MAMLD1: variants seen among roughly 807,000 people sequenced by gnomAD.
MAMLD1 encodes mastermind-like domain-containing protein 1.
A neutral mutation model predicts 45.0 loss-of-function variants in MAMLD1; 14 were observed. The observed-to-expected ratio is 0.31, with a 90% CI of 0.21 to 0.49. The LOEUF (loss-of-function observed/expected upper bound fraction) is 0.49, where lower values mean the gene tolerates loss of function less well. Ranked by LOEUF, MAMLD1 falls within the 20% of genes least tolerant of loss-of-function variation. The pLI is 0.99. For missense variants in MAMLD1, 543 were observed against 603.6 expected, an observed-to-expected ratio of 0.90 and a Z score of 1.05; for synonymous variants, 254 against 247.8, an observed-to-expected ratio of 1.02 and a Z score of -0.24.
chrX:150,468,978 AGTGTGTGT>A (rs67617988), intron 3 of MAMLD1, among the ~76,000 whole-genome samples: 1 of 100,691 alleles, frequency 9.9e-6, no homozygotes, highest in Non-Finnish European at 2.0e-5. Flanking sequence ...AATGTGTGAG[AGTGTGTGT>A]GTGTGTGTGT....
chrX:150,495,033 C>T lies in MAMLD1; in HGVS notation c.2041-8241C>T, dbSNP rs782373837. On this transcript the variant is annotated intron_variant, in intron 5 of 7. Transcript: ENST00000370401. ...CCAGCCTGGCCAACATGGCGAAATC[C>T]TGTCTCTACTAAAAATACAAAAATT... Among the ~76,000 whole-genome samples the T allele has an allele frequency of 1.4e-4, 16 of 112,202 alleles. No homozygotes were observed. The East Asian group carries it at 4.5e-3, about 31-fold the overall frequency.
chrX:150,477,941 C>G (rs981919693), intron 5 of MAMLD1, among the ~76,000 whole-genome samples: 1 of 111,527 alleles, frequency 9.0e-6, no homozygotes, highest in African/African-American at 3.3e-5. Context: ...TCATGGCGCA[C>G]AGAGCACGCA....
intron 1 of MAMLD1, among the ~76,000 whole-genome samples, chrX:150,367,694 T>A (rs1294871298): frequency 9.0e-6 from 1 of 111,351 alleles, no homozygotes; most frequent in Non-Finnish European, 1.9e-5. Context: ...TATCTCCTAA[T>A]GCTGTCCCTC....
At position 150,452,214 on chromosome X, in the gene MAMLD1, A is replaced by G. The variant is rs782278278; in HGVS notation, c.96+6602A>G. 3.6e-5 allele frequency among the ~76,000 whole-genome samples: 4 copies of G among 112,224 alleles called. No homozygotes were observed. In the South Asian group the frequency reaches 1.5e-3, roughly 42 times the overall value. On this transcript the variant is annotated intron_variant, in intron 2 of 7. Coordinates refer to ENST00000370401, the MANE Select transcript of MAMLD1 (RefSeq NM_005491.5). ...AAAAGTCATTGTCTCTAGGCCTTAC[A>G]CAGGAAATGGGAAAATAACAGAGTT...
intron 3 of MAMLD1, among the ~76,000 whole-genome samples, 183 bp from the exon 4 acceptor site, chrX:150,469,562 T>C (rs2036336244): frequency 9.0e-6 from 1 of 111,332 alleles, no homozygotes; most frequent in African/African-American, 3.3e-5. Context: ...ATCATGCACA[T>C]TTCCTGTTCA....
intron 3 of MAMLD1, among the ~76,000 whole-genome samples, chrX:150,464,272 C>A (rs1261788750): frequency 1.8e-5 from 2 of 111,624 alleles, no homozygotes; most frequent in Admixed American, 1.9e-4. Context: ...ACCAATAAAT[C>A]CCCGATTTGT....
At chrX:150,410,227 C>T (rs1164729869) in intron 1 of MAMLD1, among the ~76,000 whole-genome samples, 2 of 112,281 alleles carry the variant, frequency 1.8e-5, no homozygotes, top group African/African-American at 6.5e-5. Flanking sequence ...GACTCCTAGG[C>T]CAGCTCTTAA....
At chrX:150,472,721 C>A (rs1466449673) in intron 4 of MAMLD1, among the ~76,000 whole-genome samples, 4 of 111,879 alleles carry the variant, frequency 3.6e-5, no homozygotes, top group Admixed American at 1.9e-4. Context: ...TCTCTATGAC[C>A]TGGTCTAGAA....
intron 5 of MAMLD1, among the ~76,000 whole-genome samples, chrX:150,480,456 G>A (rs916456498): frequency 6.3e-5 from 7 of 111,861 alleles, no homozygotes; most frequent in Non-Finnish European, 3.8e-5. Context: ...CATGCCGGCT[G>A]CACCCATCCA....
chrX:150,471,793 C>G (rs2036438314), intron 4 of MAMLD1, among the ~76,000 whole-genome samples: 1 of 112,191 alleles, frequency 8.9e-6, no homozygotes, highest in Admixed American at 9.4e-5. Context: ...TACAGAAATG[C>G]CTTCCCTGCA....
Position 150,512,440 on chromosome X carries a change from G to A in MAMLD1, c.*481G>A, listed in dbSNP as rs182597797. 948 of 1,154,671 alleles carry A rather than the reference G, an allele frequency of 8.2e-4. 4 individuals are homozygous for A. The African/African-American group carries it at 0.015, about 18-fold the overall frequency. ...CATGGGTCACAGCGGCAGCAGCTGT[G>A]ACCACAGCAGTTTCGGGGAAAACAC... On this transcript the variant is annotated 3_prime_UTR_variant, in exon 8 of 8. Coordinates refer to ENST00000370401, the MANE Select transcript of MAMLD1 (RefSeq NM_005491.5).
rs2037963347 is a variant in MAMLD1, at chrX:150,513,648, C to A, written c.*1689C>A. On this transcript the variant is annotated 3_prime_UTR_variant, in exon 8 of 8. Transcript: ENST00000370401. ...AGCTCTTTCCTAATGAGCTTTACAG[C>A]AGAAGCCGTTTTATCGTTAAGTGCC... 2.0e-5 allele frequency: 6 copies of A among 297,943 alleles called. No homozygotes were observed. In the East Asian group the frequency reaches 2.8e-4, roughly 14 times the overall value. 24.6% of individuals were successfully genotyped at this position (297,943 alleles called of 1,213,427 possible).
At chrX:150,437,649 G>A (rs1310243768) in intron 1 of MAMLD1, among the ~76,000 whole-genome samples, 1 of 112,018 alleles carries the variant, frequency 8.9e-6, no homozygotes, top group South Asian at 3.7e-4. Flanking sequence ...ATTTTTTTGA[G>A]ATGATGTAGA....
intron 1 of MAMLD1, among the ~76,000 whole-genome samples, chrX:150,435,996 A>T (rs1162217192): frequency 8.9e-6 from 1 of 112,129 alleles, no homozygotes; most frequent in Non-Finnish European, 1.9e-5. Flanking sequence ...CTATAAATAA[A>T]ATTATTGGTT....
chrX:150,369,994 C>T (rs782223546), intron 1 of MAMLD1, among the ~76,000 whole-genome samples: 1 of 108,234 alleles, frequency 9.2e-6, no homozygotes, highest in East Asian at 2.9e-4. Context: ...AGTTCTTTGG[C>T]AATTATCTTG....
At chrX:150,424,534 A>G (rs782418093) in intron 1 of MAMLD1, among the ~76,000 whole-genome samples, 3 of 112,134 alleles carry the variant, frequency 2.7e-5, no homozygotes, top group Non-Finnish European at 5.6e-5. Context: ...CTAGGTCAGC[A>G]TATAAACAAG....
At chrX:150,510,082 G>A in intron 7 of MAMLD1, 36 bp downstream of exon 7, 2 of 942,026 alleles carry the variant, frequency 2.1e-6, no homozygotes, top group Non-Finnish European at 3.1e-6. Flanking sequence ...AAAGGGGTGG[G>A]CAAGGGGTGC....
At chrX:150,507,234 AG>A (rs782648657) in intron 6 of MAMLD1, among the ~76,000 whole-genome samples, 8 of 112,601 alleles carry the variant, frequency 7.1e-5, no homozygotes, top group African/African-American at 2.6e-4. Context: ...CCAGTCACTA[AG>A]CAGCAACTTT....
chrX:150,483,171 A>G (rs1280689376), intron 5 of MAMLD1, among the ~76,000 whole-genome samples: 1 of 112,299 alleles, frequency 8.9e-6, no homozygotes, highest in Non-Finnish European at 1.9e-5. Flanking sequence ...AAAGTAGGAC[A>G]CCTCTGACCA....
Sources: gnomAD v4.1 joint callset for allele counts (sites outside exome capture counted in the v4.1 genomes callset) on GRCh38, gnomAD v4.1.1 for gene constraint, MANE v1.5 for transcripts, NCBI Gene and HGNC (gene_info 2026-07-23, HGNC 2026-07-21) for gene names.